Variants in CTNNA1 observed in about 807,000 individuals in gnomAD.
CTNNA1 encodes catenin alpha-1.
In CTNNA1, 37 loss-of-function variants were observed where a neutral mutation model predicts 98.4. The observed-to-expected ratio is 0.38, with a 90% CI of 0.29 to 0.49. CTNNA1 has a LOEUF of 0.49. Ranked by LOEUF, CTNNA1 falls within the 20% of genes least tolerant of loss-of-function variation. The probability of loss-of-function intolerance (pLI) is 0.95; values close to 1 mark genes in which losing one functional copy is unlikely to be tolerated. For missense variants in CTNNA1, 761 were observed against 1,147.2 expected (o/e 0.66, Z 4.86); for synonymous variants, 404 against 413.2 (o/e 0.98, Z 0.27).
At chr5:138,902,854 A>G (rs17286305) in intron 9 of CTNNA1, among the ~76,000 whole-genome samples, 11,344 of 152,294 alleles carry the variant, frequency 0.074, 589 homozygotes, top group Non-Finnish European at 0.11. Flanking sequence ...GAACACATCT[A>G]ATTCAAGCTT....
At chr5:138,757,537 A>G (rs1409309005) in intron 1 of CTNNA1, among the ~76,000 whole-genome samples, 2 of 151,716 alleles carry the variant, frequency 1.3e-5, no homozygotes, top group Non-Finnish European at 2.9e-5. Context: ...ATTCCCTTCT[A>G]CTCTCCCAAC....
chr5:138,862,412 A>G (rs1764371249), intron 7 of CTNNA1, among the ~76,000 whole-genome samples: 1 of 152,216 alleles, frequency 6.6e-6, no homozygotes, highest in African/African-American at 2.4e-5. Context: ...ATTTTGTCCT[A>G]AAATATAATT....
chr5:138,910,708 A>G (rs995065154), intron 10 of CTNNA1, among the ~76,000 whole-genome samples: 2 of 152,154 alleles, frequency 1.3e-5, no homozygotes, highest in African/African-American at 4.8e-5. Flanking sequence ...GTGATGTATA[A>G]ACAAAGACCT....
chr5:138,798,884 TCCTGTCTA>T (rs1386005644), intron 3 of CTNNA1, among the ~76,000 whole-genome samples: 1 of 152,150 alleles, frequency 6.6e-6, no homozygotes, highest in Non-Finnish European at 1.5e-5. Context: ...TGGATATAGT[TCCTGTCTA>T]CCTCAGTTTC....
At chr5:138,764,902 C>G (rs565314639) in intron 1 of CTNNA1, among the ~76,000 whole-genome samples, 2 of 135,938 alleles carry the variant, frequency 1.5e-5, no homozygotes, top group African/African-American at 2.8e-5. Context: ...AGATCTCGCC[C>G]TGTCGCCCAT....
At chr5:138,920,212 T>G (rs1042174965) in intron 11 of CTNNA1, among the ~76,000 whole-genome samples, 1 of 152,128 alleles carries the variant, frequency 6.6e-6, no homozygotes, top group African/African-American at 2.4e-5. Flanking sequence ...ACTCCTGACC[T>G]CAGGTGATCC....
chr5:138,886,284 C>T lies in CTNNA1; in HGVS notation c.1135C>T (p.Arg379Cys), dbSNP rs773022966. Residue 379 changes from arginine (R) to cysteine (C), a missense_variant, in exon 8 of 18, where the codon CGT becomes TGT. Around this residue, in one of 6 missense-constraint regions of CTNNA1, gnomAD observed 287 missense variants for 436.0 expected, o/e 0.66. Coordinates refer to ENST00000302763, the MANE Select transcript of CTNNA1 (RefSeq NM_001903.5). ...AATGACCAAGAAGACCAGGGACTTG[C>T]GTAGACAGGTAATCTGGATGAAAGT... ...DKMTKKTRDL[R>C]RQLRKAVMDH... 6.9e-6 allele frequency: 11 copies of T among 1,602,570 alleles called. No individual in the cohort carries two copies. Among genetic ancestry groups the T allele is most frequent in the Non-Finnish European group, 1.7e-6 (2 of 1,176,258 alleles).
chr5:138,778,606 A>G (rs745377605), intron 1 of CTNNA1, among the ~76,000 whole-genome samples: 1 of 152,218 alleles, frequency 6.6e-6, no homozygotes, highest in African/African-American at 2.4e-5. Flanking sequence ...CACGCTACTG[A>G]GAAACTGAAT....
intron 9 of CTNNA1, among the ~76,000 whole-genome samples, chr5:138,903,048 C>A (rs1228516884): frequency 6.6e-6 from 1 of 152,062 alleles, no homozygotes; most frequent in African/African-American, 2.4e-5. Flanking sequence ...GAAGGTGGAA[C>A]TGTAAGTGTC....
chr5:138,873,957 C>T lies in CTNNA1; in HGVS notation c.1063-12255C>T. On this transcript the variant is annotated intron_variant, in intron 7 of 17. Coordinates refer to ENST00000302763, the MANE Select transcript of CTNNA1 (RefSeq NM_001903.5). This position sits in a 1 kb window ranked among gnomAD's most constrained non-coding sequence, Gnocchi z 6.1. ...AGCTCTCTCAGTTTAATTAATCCTG[C>T]AAATCCATTGCGAGCCAAACTTCGC... is the stretch of plus-strand genomic sequence containing the variant. The T allele has an allele frequency of 6.2e-7, 1 of 1,614,016 alleles. No individual in the cohort carries two copies. Among genetic ancestry groups the T allele is most frequent in the Non-Finnish European group, 8.5e-7 (1 of 1,179,906 alleles).
intron 9 of CTNNA1, among the ~76,000 whole-genome samples, chr5:138,890,066 G>C (rs544614571): frequency 2.2e-4 from 34 of 152,202 alleles, no homozygotes; most frequent in Non-Finnish European, 4.6e-4. Flanking sequence ...ATTTCTTCTT[G>C]TTCTAACTGG....
In CTNNA1 at chr5:138,797,233, T is replaced by C. The variant is rs559741999; in HGVS notation, c.302-12805T>C. On this transcript the variant is annotated intron_variant, in intron 3 of 17. Coordinates refer to ENST00000302763, the MANE Select transcript of CTNNA1 (RefSeq NM_001903.5). ...TTGGCATTTTTATCATTTAAAAACTTTTTTTATATAAAAGTATATTCACTA... is the reference window on the plus strand; with the variant it reads ...TTGGCATTTTTATCATTTAAAAACTCTTTTTATATAAAAGTATATTCACTA... 1.3e-3 allele frequency among the ~76,000 whole-genome samples: 205 copies of C among 152,142 alleles called. 1 individual carries two copies. Among genetic ancestry groups the C allele is most frequent in the Non-Finnish European group, 2.6e-3 (174 of 68,024 alleles).
intron 3 of CTNNA1, among the ~76,000 whole-genome samples, chr5:138,797,294 C>T (rs924876386): frequency 2.0e-5 from 3 of 152,176 alleles, no homozygotes; most frequent in African/African-American, 7.2e-5. Context: ...AATCACCCAT[C>T]AGGCTGTACC....
chr5:138,780,672 C>G (rs1197277789), intron 1 of CTNNA1, among the ~76,000 whole-genome samples: 1 of 152,002 alleles, frequency 6.6e-6, no homozygotes, highest in East Asian at 1.9e-4. Context: ...CGTGCACCAC[C>G]AGCCTGGCTA....
intron 4 of CTNNA1, among the ~76,000 whole-genome samples, 190 bp downstream of exon 4, chr5:138,810,394 A>G (rs1758559469): frequency 6.6e-6 from 1 of 152,126 alleles, no homozygotes; most frequent in Non-Finnish European, 1.5e-5. Flanking sequence ...CTCTGTTCTG[A>G]GCCAGTGTTG....
rs1762528552 is a variant in CTNNA1, at chr5:138,919,782, T to C, written c.1546+1884T>C. 3.9e-5 allele frequency among the ~76,000 whole-genome samples: 6 copies of C among 152,192 alleles called. No homozygotes were observed. In the South Asian group the frequency reaches 1.0e-3, roughly 26 times the overall value. On this transcript the variant is annotated intron_variant, in intron 11 of 17. Coordinates refer to ENST00000302763, the MANE Select transcript of CTNNA1 (RefSeq NM_001903.5). Reference sequence around the variant, plus strand: ...TTCTGATGTTCTGTCACAGCCCTGCTTAGGAATGTTACGTAATTAAATCAT... The same window carrying C: ...TTCTGATGTTCTGTCACAGCCCTGCCTAGGAATGTTACGTAATTAAATCAT...
chr5:138,814,868 C>G (rs949941465), intron 5 of CTNNA1, among the ~76,000 whole-genome samples: 1 of 152,122 alleles, frequency 6.6e-6, no homozygotes, highest in Non-Finnish European at 1.5e-5. Context: ...ATTCTCTTGC[C>G]TCAGGCTCCC....
intron 1 of CTNNA1, among the ~76,000 whole-genome samples, chr5:138,755,775 C>T (rs950194795): frequency 1.3e-5 from 2 of 150,490 alleles, no homozygotes; most frequent in African/African-American, 2.4e-5. Context: ...GGACTCCTGT[C>T]TCTTCTGGAG....
At chr5:138,830,175 A>G (rs1761129994) in intron 7 of CTNNA1, among the ~76,000 whole-genome samples, 1 of 151,132 alleles carries the variant, frequency 6.6e-6, no homozygotes, top group South Asian at 2.1e-4. Context: ...TCAAAAAAAA[A>G]AAAACCCAAA....
Sources: allele counts gnomAD v4.1 joint callset (sites outside exome capture counted in the v4.1 genomes callset), GRCh38; gene constraint gnomAD v4.1.1; regional missense constraint gnomAD v4.1.1; non-coding constraint Gnocchi (gnomAD v3.1); transcripts MANE v1.5; gene names NCBI Gene and HGNC (gene_info 2026-07-23, HGNC 2026-07-21).